Variants in ARHGAP25 observed in about 807,000 individuals in gnomAD.
ARHGAP25 encodes Rho GTPase activating protein 25, also known as rho GTPase-activating protein 25.
ARHGAP25 carries 34 observed loss-of-function variants against 71.0 expected under a neutral mutation model. The ratio of observed to expected loss-of-function variants is 0.48; its 90% CI spans 0.36 to 0.64. The LOEUF (loss-of-function observed/expected upper bound fraction) is 0.64. ARHGAP25 is among the 30% of genes least tolerant of loss of function. The pLI is 0.00. For synonymous variants in ARHGAP25, 282 were observed against 296.5 expected, an observed-to-expected ratio of 0.95 and a Z score of 0.50; for missense variants, 706 against 805.1, an observed-to-expected ratio of 0.88 and a Z score of 1.49.
chr2:68,735,085 A>G lies in ARHGAP25; in HGVS notation c.-115A>G. 1 of 916,030 alleles carries G rather than the reference A, an allele frequency of 1.1e-6. No homozygotes were observed. Among genetic ancestry groups the G allele is most frequent in the African/African-American group, 1.6e-5 (1 of 61,192 alleles). The allele number at this position is 916,030 out of a possible 1,614,324, so 56.7% of individuals were successfully genotyped here. ...GCCTAAGATTGCTTGTGAAGCAATC[A>G]TAAGGAGGAACAAAAACAGACACAA... is the stretch of plus-strand genomic sequence containing the variant. On this transcript the variant is annotated 5_prime_UTR_variant, in exon 1 of 11. Coordinates refer to ENST00000409202, the MANE Select transcript of ARHGAP25 (RefSeq NM_001007231.3).
At chr2:68,740,744 C>G (rs1477807919) in intron 1 of ARHGAP25, among the ~76,000 whole-genome samples, 3 of 152,216 alleles carry the variant, frequency 2.0e-5, no homozygotes, top group Non-Finnish European at 4.4e-5. Flanking sequence ...TATGAGTCAA[C>G]CCCACAAGTA....
At position 68,773,719 on chromosome 2, in the gene ARHGAP25, A is replaced by C. The variant is rs542966117; in HGVS notation, c.62-1502A>C. On this transcript the variant is annotated intron_variant, in intron 1 of 10. Transcript: ENST00000409202. ...AAGATAGGAAAGAAGAAAGAGAGGAAGCTTGATGATGGAATGACATTTTGA... is the reference window on the plus strand; with the variant it reads ...AAGATAGGAAAGAAGAAAGAGAGGACGCTTGATGATGGAATGACATTTTGA... Among the ~76,000 whole-genome samples, 132 of 152,342 alleles carry C rather than the reference A, an allele frequency of 8.7e-4. 2 individuals are homozygous for C. Among genetic ancestry groups the C allele is most frequent in the African/African-American group, 3.0e-3 (123 of 41,578 alleles).
chr2:68,768,488 G>A (rs1677270998), intron 1 of ARHGAP25, among the ~76,000 whole-genome samples: 1 of 152,176 alleles, frequency 6.6e-6, no homozygotes, highest in Admixed American at 6.5e-5. Context: ...ATTGCCAGAT[G>A]CTTTTCTAGG....
At position 68,780,518 on chromosome 2, in the gene ARHGAP25, A is replaced by G. The variant is rs139376572; in HGVS notation, c.262-1715A>G. Among the ~76,000 whole-genome samples the G allele has an allele frequency of 4.1e-3, 622 of 152,100 alleles. 6 individuals are homozygous for G. The highest frequency in any genetic ancestry group is 0.014 in the African/African-American group (582 of 41,472). On this transcript the variant is annotated intron_variant, in intron 2 of 10. Coordinates refer to ENST00000409202, the MANE Select transcript of ARHGAP25 (RefSeq NM_001007231.3). ...GACTGTGTAGGTGGAGGTTATTTTT[A>G]AATAATAAAATTAGAGGAATGTAGA...
chr2:68,817,889 C>T lies in ARHGAP25; in HGVS notation c.898C>T (p.Gln300Ter). ...SYICRFLHEI[Q>*]LNCAVNKMSV... is the part of the protein sequence containing the mutation. ...TGTCTGTAGGTTCCTACATGAAATA[C>T]AGCTGAACTGTGCTGTTAACAAGAT... Residue 300 changes from glutamine (Q) to a stop codon, truncating the protein, a stop_gained, in exon 8 of 11, where the codon CAG (glutamine) becomes TAG (stop). Transcript: ENST00000409202. LOFTEE classifies it high-confidence loss of function. The T allele has an allele frequency of 6.2e-7, 1 of 1,614,020 alleles. No homozygotes were observed.
intron 1 of ARHGAP25, among the ~76,000 whole-genome samples, chr2:68,750,467 C>G (rs1400297211): frequency 6.6e-6 from 1 of 152,010 alleles, no homozygotes; most frequent in Admixed American, 6.6e-5. Context: ...GGACTACAGG[C>G]ACCTGTCACC....
intron 2 of ARHGAP25, among the ~76,000 whole-genome samples, chr2:68,718,333 T>C (rs1674669701): frequency 6.6e-6 from 1 of 152,140 alleles, no homozygotes; most frequent in South Asian, 2.1e-4. Context: ...CAGCATTGCC[T>C]GATGGCCCCT....
chr2:68,803,415 T>A (rs187387144), intron 4 of ARHGAP25, among the ~76,000 whole-genome samples: 1 of 152,168 alleles, frequency 6.6e-6, no homozygotes, highest in Admixed American at 6.5e-5. Flanking sequence ...GAAACCAGAT[T>A]GTGATGGGTT....
chr2:68,737,558 T>C (rs1288652102), intron 1 of ARHGAP25, among the ~76,000 whole-genome samples: 3 of 152,188 alleles, frequency 2.0e-5, no homozygotes, highest in Non-Finnish European at 4.4e-5. Flanking sequence ...TATAGCCAAG[T>C]GTTCCTTGGG....
chr2:68,710,864 G>T (rs557233853), intron 2 of ARHGAP25, among the ~76,000 whole-genome samples: 3 of 152,072 alleles, frequency 2.0e-5, no homozygotes, highest in Non-Finnish European at 4.4e-5. Flanking sequence ...GGCAAAATTG[G>T]CTTCAACTCT....
intron 3 of ARHGAP25, among the ~76,000 whole-genome samples, chr2:68,784,087 T>C (rs1183534848): frequency 6.6e-6 from 1 of 152,126 alleles, no homozygotes; most frequent in Non-Finnish European, 1.5e-5. Flanking sequence ...TCTCTCATTA[T>C]CACTTATGTT....
rs547075732 is a variant in ARHGAP25, at chr2:68,757,281, A to C, written c.62-17940A>C. Among the ~76,000 whole-genome samples, 9 of 152,292 alleles carry C rather than the reference A, an allele frequency of 5.9e-5. No individual in the cohort carries two copies. In the South Asian group the frequency reaches 1.7e-3, roughly 28 times the overall value. ...GAAATAATGATGGAAAACTTCCCAAATTTGATGAAAGACATGAATATAAAC... is the reference window on the plus strand; with the variant it reads ...GAAATAATGATGGAAAACTTCCCAACTTTGATGAAAGACATGAATATAAAC... On this transcript the variant is annotated intron_variant, in intron 1 of 10. Transcript: ENST00000409202.
At chr2:68,770,803 G>A (rs1677438665) in intron 1 of ARHGAP25, among the ~76,000 whole-genome samples, 1 of 152,126 alleles carries the variant, frequency 6.6e-6, no homozygotes, top group African/African-American at 2.4e-5. Context: ...CTCTAATCAA[G>A]TTGAATGCCT....
At chr2:68,792,980 G>A (rs77600770) in intron 4 of ARHGAP25, among the ~76,000 whole-genome samples, 8,677 of 152,104 alleles carry the variant, frequency 0.057, 328 homozygotes, top group East Asian at 0.15. Context: ...GTGGCGTAAG[G>A]TGCGATCTCA....
At chr2:68,725,494 TTTTTC>T (rs747665730) in intron 2 of ARHGAP25, among the ~76,000 whole-genome samples, 10 of 151,946 alleles carry the variant, frequency 6.6e-5, no homozygotes, top group Non-Finnish European at 1.3e-4. Context: ...CTGGCCAATT[TTTTTC>T]TTTTCTTTTC....
intron 4 of ARHGAP25, among the ~76,000 whole-genome samples, chr2:68,805,655 G>C (rs1044826278): frequency 2.6e-5 from 4 of 152,120 alleles, no homozygotes; most frequent in Admixed American, 6.5e-5. Flanking sequence ...AGCGGTTACA[G>C]GTGAGAGAGG....
At chr2:68,728,756 G>GTAAA (rs1041791639) in intron 2 of ARHGAP25, among the ~76,000 whole-genome samples, 4 of 151,868 alleles carry the variant, frequency 2.6e-5, no homozygotes, top group South Asian at 4.2e-4. Context: ...GTAAACATAA[G>GTAAA]TAAATAAATA....
In ARHGAP25 at chr2:68,782,234, G is replaced by T; in HGVS notation, c.263G>T (p.Gly88Val). The T allele has an allele frequency of 6.2e-7, 1 of 1,613,810 alleles. No individual in the cohort carries two copies. The change falls in exon 3 of 11, where the codon GGC becomes GTC. Residue 88 changes from glycine (G) to valine (V), a missense_variant and splice_region_variant. Physicochemically the swap from Gly to Val is moderately radical, Grantham distance 109. Transcript: ENST00000409202. ...YKDEEDTKPQ[G>V]CMYLPGCTIK... ...AAGGCCTGACTTTTCATCTTTCAGG[G>T]CTGCATGTATCTACCAGGATGTACA...
chr2:68,739,902 T>C (rs1046753974), intron 1 of ARHGAP25, among the ~76,000 whole-genome samples: 4 of 151,828 alleles, frequency 2.6e-5, no homozygotes, highest in Non-Finnish European at 4.4e-5. Context: ...CAAAAGTCAC[T>C]TTGCAAAGAA....
Sources: allele counts gnomAD v4.1 joint callset (sites outside exome capture counted in the v4.1 genomes callset), GRCh38; gene constraint gnomAD v4.1.1; transcripts MANE v1.5; gene names NCBI Gene and HGNC (gene_info 2026-07-23, HGNC 2026-07-21).